Variants in CTNNBL1 observed in about 807,000 individuals in gnomAD.
The protein encoded by CTNNBL1 is catenin beta like 1.
In CTNNBL1, 31 loss-of-function variants were observed where a neutral mutation model predicts 72.7. That is an observed-to-expected ratio of 0.43 (90% CI 0.32 to 0.58). The LOEUF (loss-of-function observed/expected upper bound fraction) is 0.58. Among genes scored for constraint, CTNNBL1 ranks in the 20% least tolerant of loss-of-function variants. CTNNBL1 has a pLI of 0.08. For missense variants in CTNNBL1, 534 were observed against 725.1 expected (o/e 0.74, Z 3.03); for synonymous variants, 240 against 267.3 (o/e 0.90, Z 1.00).
At chr20:37,717,630 G>A (rs1301807981) in intron 1 of CTNNBL1, among the ~76,000 whole-genome samples, 1 of 144,464 alleles carries the variant, frequency 6.9e-6, no homozygotes, top group East Asian at 2.0e-4. Flanking sequence ...TTTTTTTATT[G>A]ATCATTCTTG....
At chr20:37,815,971 CT>C (rs1488433529) in intron 11 of CTNNBL1, among the ~76,000 whole-genome samples, 2 of 152,148 alleles carry the variant, frequency 1.3e-5, no homozygotes, top group African/African-American at 4.8e-5. Context: ...CTGCAGGTTG[CT>C]GGGGAAATGC....
At position 37,694,298 on chromosome 20, in the gene CTNNBL1, A is replaced by G; in HGVS notation, c.30+146A>G. 4.5e-6 allele frequency: 3 copies of G among 673,092 alleles called. No homozygotes were observed. The Admixed American group carries it at 1.1e-4, about 26-fold the overall frequency. The allele number at this position is 673,092 out of a possible 1,614,324, so 41.7% of individuals were successfully genotyped here. A position where few individuals can be genotyped will look rare whatever the true frequency, so the allele number is the denominator to read the frequency against. On this transcript the variant is annotated intron_variant, in intron 1 of 15. Coordinates refer to ENST00000361383, the MANE Select transcript of CTNNBL1 (RefSeq NM_030877.5). ...ACCCGGGGTCTCAGCCCCTCGTTTT[A>G]CTTTGCTCTCCGAAGCCCTCCTGGG...
intron 3 of CTNNBL1, among the ~76,000 whole-genome samples, chr20:37,744,927 C>A (rs1466075010): frequency 6.6e-6 from 1 of 152,070 alleles, no homozygotes; most frequent in Non-Finnish European, 1.5e-5. Flanking sequence ...AAAGTTAGAT[C>A]TTTGCCTTAT....
At chr20:37,790,984 T>C (rs2073720153) in intron 10 of CTNNBL1, among the ~76,000 whole-genome samples, 1 of 152,256 alleles carries the variant, frequency 6.6e-6, no homozygotes, top group Non-Finnish European at 1.5e-5. Flanking sequence ...TTGCATTTTC[T>C]AGAATTTTAT....
rs74583855 is a variant in CTNNBL1, at chr20:37,706,677, C to A, written c.30+12525C>A. The stretch of plus-strand genomic sequence containing the variant: ...GATTGGAATCAACTTCTTCTAAACT[C>A]CTGTTAATGTTAATATATTGTCCTC... On this transcript the variant is annotated intron_variant, in intron 1 of 15. Coordinates refer to ENST00000361383, the MANE Select transcript of CTNNBL1 (RefSeq NM_030877.5). Among the ~76,000 whole-genome samples the A allele has an allele frequency of 9.5e-3, 1,454 of 152,310 alleles. 11 individuals carry two copies. The highest frequency in any genetic ancestry group is 0.027 in the Middle Eastern group (8 of 292).
At chr20:37,694,503 A>G (rs1226033030) in intron 1 of CTNNBL1, among the ~76,000 whole-genome samples, 4 of 151,908 alleles carry the variant, frequency 2.6e-5, no homozygotes, top group Admixed American at 2.0e-4. Flanking sequence ...GTGGGAGTGC[A>G]CTGGTCTCAC....
intron 10 of CTNNBL1, among the ~76,000 whole-genome samples, chr20:37,791,868 G>A (rs2073728814): frequency 6.6e-6 from 1 of 152,236 alleles, no homozygotes; most frequent in South Asian, 2.1e-4. Context: ...CACTAAACTG[G>A]TCCCTGGTGC....
intron 15 of CTNNBL1, among the ~76,000 whole-genome samples, chr20:37,862,692 C>T (rs1397060337): frequency 2.6e-5 from 4 of 152,074 alleles, no homozygotes; most frequent in African/African-American, 7.2e-5. Context: ...TTTTCTCCCC[C>T]ACTGCTTTCT....
intron 2 of CTNNBL1, among the ~76,000 whole-genome samples, chr20:37,735,645 A>G (rs755589360): frequency 6.6e-6 from 1 of 152,204 alleles, no homozygotes; most frequent in Non-Finnish European, 1.5e-5. Flanking sequence ...TAGGGGTTCA[A>G]TAGAGAACCT....
intron 3 of CTNNBL1, among the ~76,000 whole-genome samples, chr20:37,742,032 G>T (rs1032294204): frequency 1.3e-4 from 19 of 151,886 alleles, no homozygotes; most frequent in Non-Finnish European, 2.6e-4. Context: ...CAGTGAGAAG[G>T]ATCTAACTTT....
At chr20:37,808,682 C>T (rs903557014) in intron 11 of CTNNBL1, among the ~76,000 whole-genome samples, 2 of 152,100 alleles carry the variant, frequency 1.3e-5, no homozygotes, top group Non-Finnish European at 2.9e-5. Flanking sequence ...CATGCATTCT[C>T]CTTGGGTGAT....
intron 4 of CTNNBL1, among the ~76,000 whole-genome samples, chr20:37,755,050 G>T (rs571086584): frequency 2.0e-5 from 3 of 151,766 alleles, no homozygotes; most frequent in South Asian, 2.1e-4. Flanking sequence ...CAAGTAATCC[G>T]CCCACCTCGG....
At chr20:37,817,442 A>G (rs2072070130) in intron 11 of CTNNBL1, among the ~76,000 whole-genome samples, 1 of 152,220 alleles carries the variant, frequency 6.6e-6, no homozygotes, top group Admixed American at 6.5e-5. Flanking sequence ...TATTTCATAC[A>G]AAGTTAGATG....
At chr20:37,746,995 G>C (rs6096026) in intron 4 of CTNNBL1, among the ~76,000 whole-genome samples, 123,777 of 152,224 alleles carry the variant, frequency 0.81, 51,005 homozygotes, top group African/African-American at 0.95. Context: ...GTCCAGTGGA[G>C]TTGAGACTAG....
At chr20:37,839,738 A>T (rs2072286054) in intron 11 of CTNNBL1, among the ~76,000 whole-genome samples, 1 of 152,196 alleles carries the variant, frequency 6.6e-6, no homozygotes, top group Non-Finnish European at 1.5e-5. Context: ...TTATTTGTTC[A>T]TGCCATGGCT....
intron 13 of CTNNBL1, 85 bp from the exon 14 acceptor site, chr20:37,859,814 G>C (rs1160900625): frequency 5.1e-6 from 7 of 1,366,958 alleles, no homozygotes; most frequent in Non-Finnish European, 7.1e-6. Context: ...TGCTATTGTT[G>C]TGTGTATTAT....
intron 15 of CTNNBL1, among the ~76,000 whole-genome samples, chr20:37,863,246 T>C (rs1235735338): frequency 6.6e-6 from 1 of 152,102 alleles, no homozygotes; most frequent in African/African-American, 2.4e-5. Flanking sequence ...AGAGTATAAA[T>C]GATTGACCAT....
chr20:37,820,664 G>A (rs1376990507), intron 11 of CTNNBL1, among the ~76,000 whole-genome samples: 3 of 152,042 alleles, frequency 2.0e-5, no homozygotes, highest in Non-Finnish European at 2.9e-5. Context: ...CTTCCCCCAC[G>A]CGCTCTCTCT....
intron 4 of CTNNBL1, among the ~76,000 whole-genome samples, chr20:37,747,771 G>T (rs1321701684): frequency 6.6e-6 from 1 of 151,922 alleles, no homozygotes; most frequent in South Asian, 2.1e-4. Context: ...TTTGGAGATG[G>T]ATCTTGCAAT....
Sources: allele counts gnomAD v4.1 joint callset (sites outside exome capture counted in the v4.1 genomes callset), GRCh38; gene constraint gnomAD v4.1.1; transcripts MANE v1.5; gene names NCBI Gene and HGNC (gene_info 2026-07-23, HGNC 2026-07-21).